Variants in DLG2 observed in about 807,000 individuals in gnomAD.
DLG2 encodes the protein disks large homolog 2.
Under a neutral mutation model 132.5 loss-of-function variants are expected in DLG2, and 45 were observed. The ratio of observed to expected loss-of-function variants is 0.34; its 90% CI spans 0.27 to 0.44. The LOEUF is 0.44. Ranked by LOEUF, DLG2 falls within the 20% of genes least tolerant of loss-of-function variation. The probability of loss-of-function intolerance (pLI) is 1.00; values close to 1 mark genes in which losing one functional copy is unlikely to be tolerated. For missense variants in DLG2, 1,045 were observed against 1,196.9 expected, an observed-to-expected ratio of 0.87 and a Z score of 1.87; for synonymous variants, 424 against 419.6, an observed-to-expected ratio of 1.01 and a Z score of -0.13.
At chr11:85,559,271 C>T (rs960424759) in intron 3 of DLG2, among the ~76,000 whole-genome samples, 4 of 151,026 alleles carry the variant, frequency 2.6e-5, no homozygotes, top group Admixed American at 6.6e-5. Flanking sequence ...CCTGCCTCAG[C>T]CTCCCGAGTA....
chr11:84,341,156 A>C (rs1470049008), intron 7 of DLG2, among the ~76,000 whole-genome samples: 1 of 152,058 alleles, frequency 6.6e-6, no homozygotes, highest in Non-Finnish European at 1.5e-5. Context: ...TACTTCTCTG[A>C]GTTTCAATTT....
At chr11:84,257,350 C>T (rs1050031025) in intron 7 of DLG2, among the ~76,000 whole-genome samples, 2 of 152,108 alleles carry the variant, frequency 1.3e-5, no homozygotes, top group African/African-American at 4.8e-5. Context: ...TACTTGGAAC[C>T]TACAATTATC....
Position 85,457,179 on chromosome 11 carries a change from T to G in DLG2, c.40+141478A>C, listed in dbSNP as rs1033525726. ...ACTTTTGCATTATGTAATGCCCTTC[T>G]TTGTCTTTTTTTTTTTTTTTTATCT... On this transcript the variant is annotated intron_variant, in intron 3 of 27. Coordinates refer to ENST00000376104, the MANE Select transcript of DLG2 (RefSeq NM_001142699.3). Among the ~76,000 whole-genome samples, 53 of 44,462 alleles carry G rather than the reference T, an allele frequency of 1.2e-3. No individual in the cohort carries two copies. In the Admixed American group the frequency reaches 0.015, roughly 13 times the overall value. The allele number at this position is 44,462 out of a possible 152,430, so 29.2% of individuals were successfully genotyped here.
At chr11:85,267,890 G>GTC (rs977976682) in intron 4 of DLG2, among the ~76,000 whole-genome samples, 2 of 151,522 alleles carry the variant, frequency 1.3e-5, no homozygotes, top group East Asian at 3.9e-4. Flanking sequence ...TTGTATGTGT[G>GTC]TGTGTGTGTG....
chr11:84,067,157 A>G (rs533743235), intron 10 of DLG2, among the ~76,000 whole-genome samples: 1 of 152,036 alleles, frequency 6.6e-6, no homozygotes, highest in South Asian at 2.1e-4. Context: ...ACATGGTGAA[A>G]CCCCATCTCT....
At chr11:85,304,804 G>C (rs72950182) in intron 3 of DLG2, among the ~76,000 whole-genome samples, 7,879 of 152,206 alleles carry the variant, frequency 0.052, 265 homozygotes, top group East Asian at 0.095. Context: ...CTGACTTTAA[G>C]AACAGCAGCA....
intron 6 of DLG2, among the ~76,000 whole-genome samples, chr11:84,672,834 A>G (rs1451849115): frequency 2.0e-5 from 3 of 152,138 alleles, no homozygotes; most frequent in African/African-American, 7.2e-5. Context: ...TAAACAAAAA[A>G]AAGGCTTAAT....
At chr11:83,491,058 A>G (rs1318703889) in intron 21 of DLG2, among the ~76,000 whole-genome samples, 1 of 151,868 alleles carries the variant, frequency 6.6e-6, no homozygotes, top group Non-Finnish European at 1.5e-5. Context: ...ATGAATTGTA[A>G]AGCACTTAAT....
chr11:85,568,601 T>C (rs993727455), intron 3 of DLG2, among the ~76,000 whole-genome samples: 1 of 152,210 alleles, frequency 6.6e-6, no homozygotes, highest in Non-Finnish European at 1.5e-5. Flanking sequence ...CTTTACTTGT[T>C]ATCACTCTAT....
Position 84,567,895 on chromosome 11 carries a change from A to G in DLG2, c.358-33164T>C, listed in dbSNP as rs552998895. Among the ~76,000 whole-genome samples the G allele has an allele frequency of 6.6e-5, 10 of 152,338 alleles. No homozygotes were observed. The South Asian group carries it at 2.1e-3, about 32-fold the overall frequency. On this transcript the variant is annotated intron_variant, in intron 6 of 27. Coordinates refer to ENST00000376104, the MANE Select transcript of DLG2 (RefSeq NM_001142699.3). ...ACTGAATGAAAATCTAAAAAGGGTA[A>G]GAAGACTGGCCTTAATCTAACTGTG...
chr11:85,220,486 G>C (rs1441810053), intron 4 of DLG2, among the ~76,000 whole-genome samples: 1 of 151,966 alleles, frequency 6.6e-6, no homozygotes, highest in African/African-American at 2.4e-5. Flanking sequence ...TAGGGCCTGG[G>C]GGGTAATGGA....
At position 84,019,834 on chromosome 11, in the gene DLG2, T is replaced by C. The variant is rs1287768608; in HGVS notation, c.920-39192A>G. ...TCATGGAACAGATTCTCTCTCACAG[T>C]CTTCAGAAGGAAACAACCTTGCTAA... On this transcript the variant is annotated intron_variant, in intron 11 of 27. Coordinates refer to ENST00000376104, the MANE Select transcript of DLG2 (RefSeq NM_001142699.3). Among the ~76,000 whole-genome samples the C allele has an allele frequency of 2.6e-5, 4 of 152,130 alleles. 1 individual carries two copies. Among genetic ancestry groups the C allele is most frequent in the Admixed American group, 2.0e-4 (3 of 15,252 alleles).
At position 84,402,881 on chromosome 11, in the gene DLG2, C is replaced by CAAAA. The variant is rs34476380; in HGVS notation, c.519+131685_519+131688dup. Among the ~76,000 whole-genome samples, 38 of 73,862 alleles carry CAAAA rather than the reference C, an allele frequency of 5.1e-4. 3 individuals are homozygous for CAAAA. The highest frequency in any genetic ancestry group is 1.7e-3 in the African/African-American group (16 of 9,546). 48.5% of individuals were successfully genotyped at this position (73,862 alleles called of 152,430 possible). A position where few individuals can be genotyped will look rare whatever the true frequency, so the allele number is the denominator to read the frequency against. ...TGGGCGACAGAGCGAAACTCCGTCT[C>CAAAA]AAAAAAAAAAAAAAAAAAAATTAAC... is the stretch of plus-strand genomic sequence containing the variant. On this transcript the variant is annotated intron_variant, in intron 7 of 27. Coordinates refer to ENST00000376104, the MANE Select transcript of DLG2 (RefSeq NM_001142699.3).
intron 22 of DLG2, among the ~76,000 whole-genome samples, chr11:83,479,675 G>C (rs567667764): frequency 1.3e-5 from 2 of 152,120 alleles, no homozygotes; most frequent in Non-Finnish European, 2.9e-5. Flanking sequence ...CTAAGCAAAT[G>C]GCTTGAGGTG....
chr11:85,558,207 C>T (rs896155828), intron 3 of DLG2, among the ~76,000 whole-genome samples: 7 of 151,838 alleles, frequency 4.6e-5, no homozygotes, highest in Non-Finnish European at 8.8e-5. Flanking sequence ...GAAAAATGCT[C>T]AATATCACTA....
rs1285113640 is a variant in DLG2 at position 85,476,822 on chromosome 11, CCTGT to C, written c.40+121831_40+121834del. Among the ~76,000 whole-genome samples, 8 of 152,060 alleles carry C rather than the reference CCTGT, an allele frequency of 5.3e-5. No homozygotes were observed. In the East Asian group the frequency reaches 1.5e-3, roughly 29 times the overall value. ...TTCTTCTAGAATACCTCCTGAAGGACCTGTCTGAGGCTGTTGTTCAGTTAACTTT... is the reference window on the plus strand; with the variant it reads ...TTCTTCTAGAATACCTCCTGAAGGACCTGAGGCTGTTGTTCAGTTAACTTT... On this transcript the variant is annotated intron_variant, in intron 3 of 27. Transcript: ENST00000376104.
intron 11 of DLG2, among the ~76,000 whole-genome samples, chr11:84,050,473 G>A (rs1449855409): frequency 6.6e-6 from 1 of 151,930 alleles, no homozygotes; most frequent in Non-Finnish European, 1.5e-5. Context: ...TAGGTTGCCT[G>A]TTCACTCTGA....
At chr11:85,275,012 G>T (rs1264993317) in intron 4 of DLG2, among the ~76,000 whole-genome samples, 2 of 152,130 alleles carry the variant, frequency 1.3e-5, no homozygotes, top group African/African-American at 4.8e-5. Context: ...GTATCTTCGG[G>T]AAGATACCCT....
intron 9 of DLG2, among the ~76,000 whole-genome samples, chr11:84,106,670 T>A (rs2092934657): frequency 6.6e-6 from 1 of 152,096 alleles, no homozygotes; most frequent in Non-Finnish European, 1.5e-5. Context: ...GGTAAATGTT[T>A]ACATAAAAAT....
Sources: allele counts gnomAD v4.1 joint callset (sites outside exome capture counted in the v4.1 genomes callset), GRCh38; gene constraint gnomAD v4.1.1; transcripts MANE v1.5; gene names NCBI Gene and HGNC (gene_info 2026-07-23, HGNC 2026-07-21).